The following UCHL5 variants were observed in gnomAD, a reference collection of about 807,000 sequenced individuals.
UCHL5 encodes the protein ubiquitin C-terminal hydrolase L5.
In UCHL5, 34 loss-of-function variants were observed where a neutral mutation model predicts 53.8. That is an observed-to-expected ratio of 0.63 (90% CI 0.48 to 0.84). The LOEUF (loss-of-function observed/expected upper bound fraction) is 0.84, where lower values mean the gene tolerates loss of function less well. UCHL5 is among the 40% of genes least tolerant of loss of function. The probability of loss-of-function intolerance (pLI) is 0.00; values close to 1 mark genes in which losing one functional copy is unlikely to be tolerated. For synonymous variants in UCHL5, 111 were observed against 126.3 expected (o/e 0.88, Z 0.81); for missense variants, 290 against 385.6 (o/e 0.75, Z 2.08).
At chr1:193,054,324 C>T (rs761270237) in intron 1 of UCHL5, among the ~76,000 whole-genome samples, 2 of 152,194 alleles carry the variant, frequency 1.3e-5, no homozygotes, top group African/African-American at 4.8e-5. Context: ...TTCCAACAGA[C>T]GGTTTTGACA....
At position 193,029,454 on chromosome 1, in the gene UCHL5, A is replaced by G. The variant is rs1369588286; in HGVS notation, c.373-5T>C. The G allele has an allele frequency of 1.9e-6, 3 of 1,613,532 alleles. No individual in the cohort carries two copies. The highest frequency in any genetic ancestry group is 1.1e-5 in the South Asian group (1 of 91,024). On this transcript the variant is annotated splice_polypyrimidine_tract_variant and splice_region_variant and intron_variant, in intron 4 of 10. Coordinates refer to ENST00000367454, the MANE Select transcript of UCHL5 (RefSeq NM_001199261.3). ...GCTCAGTGCCAAGCCTTTCATCTAAAATAATTTTTTAAAGTAGCCTATTAA... is the reference window on the plus strand; with the variant it reads ...GCTCAGTGCCAAGCCTTTCATCTAAGATAATTTTTTAAAGTAGCCTATTAA...
At chr1:193,031,158 G>A (rs1372510225) in intron 3 of UCHL5, among the ~76,000 whole-genome samples, 1 of 152,134 alleles carries the variant, frequency 6.6e-6, no homozygotes, top group African/African-American at 2.4e-5. Context: ...AAATGTGGTT[G>A]ACTAAAACAC....
At chr1:193,051,733 C>T in intron 2 of UCHL5, 21 bp downstream of exon 2, 1 of 1,455,306 alleles carries the variant, frequency 6.9e-7, no homozygotes, top group Non-Finnish European at 9.5e-7. Flanking sequence ...TACATATTAA[C>T]ACAACTAAAA....
At chr1:193,051,851 G>GAAAAA in intron 1 of UCHL5, 34 bp from the exon 2 acceptor site, 1 of 1,478,218 alleles carries the variant, frequency 6.8e-7, no homozygotes, top group Non-Finnish European at 9.3e-7. Flanking sequence ...CAGTAAACAG[G>GAAAAA]ATAATTCATT....
intron 7 of UCHL5, among the ~76,000 whole-genome samples, chr1:193,026,392 C>G (rs954774353): frequency 6.6e-6 from 1 of 152,070 alleles, no homozygotes; most frequent in African/African-American, 2.4e-5. Flanking sequence ...TATTTGCAGG[C>G]AATGTGTTTG....
rs1553255148 is a variant in UCHL5 at position 193,043,151 on chromosome 1, T to TTAAAA, written c.246+6594_246+6595insTTTTA. On this transcript the variant is annotated intron_variant, in intron 3 of 10. Transcript: ENST00000367454. The stretch of plus-strand genomic sequence containing the variant: ...TGGAGCCTTGACAGCTCTTGAATAT[T>TTAAAA]AAAAAAAAAAAAAAAAAAAAAAAAA... Among the ~76,000 whole-genome samples, 22 of 36,372 alleles carry TTAAAA rather than the reference T, an allele frequency of 6.0e-4. 1 individual carries two copies. The highest frequency in any genetic ancestry group is 1.2e-3 in the African/African-American group (14 of 12,062). 23.9% of individuals were successfully genotyped at this position (36,372 alleles called of 152,430 possible). A position where few individuals can be genotyped will look rare whatever the true frequency, so the allele number is the denominator to read the frequency against.
At chr1:193,027,690 A>G (rs1446338279) in intron 7 of UCHL5, among the ~76,000 whole-genome samples, 1 of 152,224 alleles carries the variant, frequency 6.6e-6, no homozygotes, top group South Asian at 2.1e-4. Flanking sequence ...GTCTCAAAAA[A>G]TAAAAAAAAG....
chr1:193,043,176 A>AC (rs1553255261), intron 3 of UCHL5, among the ~76,000 whole-genome samples: 5 of 141,616 alleles, frequency 3.5e-5, no homozygotes, highest in African/African-American at 1.1e-4. Flanking sequence ...AAAAAAAAAA[A>AC]CCACCTATTT....
chr1:193,045,161 T>C (rs1049652921), intron 3 of UCHL5, among the ~76,000 whole-genome samples: 113 of 152,344 alleles, frequency 7.4e-4, no homozygotes, highest in African/African-American at 2.4e-3. Context: ...TTCTTAGAGA[T>C]GAACGGTTCG....
chr1:193,018,727 C>T, intron 10 of UCHL5: 3 of 1,412,830 alleles, frequency 2.1e-6, no homozygotes, highest in South Asian at 3.3e-5. Flanking sequence ...CCTGTAGAAT[C>T]TCAGCATATA....
At chr1:193,031,616 T>C (rs1223240949) in intron 3 of UCHL5, among the ~76,000 whole-genome samples, 2 of 152,132 alleles carry the variant, frequency 1.3e-5, no homozygotes, top group African/African-American at 2.4e-5. Context: ...CTATACATAG[T>C]ACAAAATTAA....
chr1:193,034,947 G>A (rs569294139), intron 3 of UCHL5, among the ~76,000 whole-genome samples: 13 of 151,940 alleles, frequency 8.6e-5, no homozygotes, highest in African/African-American at 3.1e-4. Context: ...AAAAAAGCTG[G>A]AGTAAACATC....
At chr1:193,043,122 A>G (rs1273379954) in intron 3 of UCHL5, among the ~76,000 whole-genome samples, 1 of 135,210 alleles carries the variant, frequency 7.4e-6, no homozygotes, top group Non-Finnish European at 1.6e-5. Context: ...AAAACAAAAG[A>G]GCCTGGAGCC....
rs969037862 is a variant in UCHL5, at chr1:193,054,799, C to T, written c.77-2982G>A. On this transcript the variant is annotated intron_variant, in intron 1 of 10. Coordinates refer to ENST00000367454, the MANE Select transcript of UCHL5 (RefSeq NM_001199261.3). ...ATGTTAAGGAAACACCACGTTGGAC[C>T]CAAACGTCTTTCAAATCTGCCCTAA... Among the ~76,000 whole-genome samples, 13 of 152,120 alleles carry T rather than the reference C, an allele frequency of 8.5e-5. 1 individual carries two copies. Among genetic ancestry groups the T allele is most frequent in the African/African-American group, 3.1e-4 (13 of 41,426 alleles).
At position 193,012,886 on chromosome 1, in the gene UCHL5, G is replaced by A. The variant is rs1016301651; in HGVS notation, c.*3465C>T. 2 of 152,124 alleles carry A rather than the reference G, an allele frequency of 1.3e-5. No individual in the cohort carries two copies. 9.4% of individuals were successfully genotyped at this position (152,124 alleles called of 1,614,324 possible). A position where few individuals can be genotyped will look rare whatever the true frequency, so the allele number is the denominator to read the frequency against. On this transcript the variant is annotated 3_prime_UTR_variant, in exon 11 of 11. Coordinates refer to ENST00000367454, the MANE Select transcript of UCHL5 (RefSeq NM_001199261.3). The stretch of plus-strand genomic sequence containing the variant: ...GTTTTCAAAAAGTTAATGTAATCAA[G>A]TCAAAAATAAAAAGTGCCCAGTATG...
At chr1:193,026,043 A>T (rs903938712) in intron 7 of UCHL5, among the ~76,000 whole-genome samples, 2 of 151,220 alleles carry the variant, frequency 1.3e-5, no homozygotes, top group African/African-American at 4.9e-5. Flanking sequence ...TGGAGGAAGG[A>T]TAGCCTTTTG....
At chr1:193,040,513 G>C (rs1163106539) in intron 3 of UCHL5, among the ~76,000 whole-genome samples, 1 of 152,204 alleles carries the variant, frequency 6.6e-6, no homozygotes, top group Non-Finnish European at 1.5e-5. Flanking sequence ...AGGATGTGGA[G>C]AAAGGGGAAC....
At chr1:193,049,364 C>T (rs1038250913) in intron 3 of UCHL5, among the ~76,000 whole-genome samples, 1 of 151,916 alleles carries the variant, frequency 6.6e-6, no homozygotes, top group Non-Finnish European at 1.5e-5. Context: ...CAATGAGCCT[C>T]GCACCATTGC....
At chr1:193,032,240 T>C (rs1005639175) in intron 3 of UCHL5, among the ~76,000 whole-genome samples, 2 of 152,052 alleles carry the variant, frequency 1.3e-5, no homozygotes, top group Non-Finnish European at 2.9e-5. Flanking sequence ...GTACTGCCTA[T>C]ATAAATTATA....
Sources: gnomAD v4.1 joint callset for allele counts (sites outside exome capture counted in the v4.1 genomes callset) on GRCh38, gnomAD v4.1.1 for gene constraint, MANE v1.5 for transcripts, NCBI Gene and HGNC (gene_info 2026-07-23, HGNC 2026-07-21) for gene names.